The following PGAP1 variants were observed in gnomAD, a reference collection of about 807,000 sequenced individuals.
The protein encoded by PGAP1 is GPI inositol-deacylase.
A neutral mutation model predicts 127.0 loss-of-function variants in PGAP1; 76 were observed. The observed-to-expected ratio is 0.60, with a 90% CI of 0.50 to 0.72. The LOEUF (loss-of-function observed/expected upper bound fraction) is 0.72, where lower values mean the gene tolerates loss of function less well. Among genes scored for constraint, PGAP1 ranks in the 30% least tolerant of loss-of-function variants. PGAP1 has a pLI of 0.00. For missense variants in PGAP1, 982 were observed against 1,071.3 expected (o/e 0.92, Z 1.16); for synonymous variants, 362 against 366.5 (o/e 0.99, Z 0.14).
intron 4 of PGAP1, 132 bp downstream of exon 4, chr2:196,912,750 T>A (rs79166618): frequency 1.5e-6 from 1 of 662,872 alleles, no homozygotes; most frequent in African/African-American, 1.9e-5. Flanking sequence ...GAATTGGAGG[T>A]GCTGATTTGC....
intron 20 of PGAP1, among the ~76,000 whole-genome samples, chr2:196,852,443 A>C (rs1405406768): frequency 2.0e-5 from 3 of 152,060 alleles, no homozygotes; most frequent in Admixed American, 2.0e-4. Context: ...ATTACTTGTT[A>C]AATTTAAGGT....
chr2:196,914,358 C>A (rs527568218), intron 3 of PGAP1, among the ~76,000 whole-genome samples: 8 of 152,158 alleles, frequency 5.3e-5, no homozygotes, highest in Non-Finnish European at 1.0e-4. Flanking sequence ...CGGTGGCTCA[C>A]ACCTGTAATC....
intron 20 of PGAP1, among the ~76,000 whole-genome samples, chr2:196,852,711 G>T (rs1454940811): frequency 1.3e-5 from 2 of 152,072 alleles, no homozygotes; most frequent in African/African-American, 4.8e-5. Flanking sequence ...TGTGAATAAA[G>T]TTATGGGTTG....
chr2:196,925,592 C>T (rs1243147864), intron 1 of PGAP1, among the ~76,000 whole-genome samples: 1 of 152,030 alleles, frequency 6.6e-6, no homozygotes, highest in East Asian at 1.9e-4. Flanking sequence ...CCTACTATGC[C>T]GAACTAACGA....
intron 20 of PGAP1, among the ~76,000 whole-genome samples, chr2:196,849,510 G>A (rs1395385143): frequency 2.0e-5 from 3 of 151,102 alleles, no homozygotes; most frequent in East Asian, 1.9e-4. Context: ...TCCCGACCTC[G>A]TGATCCACCC....
rs1703364100 is a variant in PGAP1, at chr2:196,926,467, T to A, written c.147+3A>T. ...CCCGGCTGAGGAGAGGGCAGAACCT[T>A]ACCTGATACTCCGGGTACTCAAACA... On this transcript the variant is annotated splice_donor_region_variant and intron_variant, in intron 1 of 26. Transcript: ENST00000354764. 6.2e-7 allele frequency: 1 copy of A among 1,613,840 alleles called. No individual in the cohort carries two copies. Among genetic ancestry groups the A allele is most frequent in the Admixed American group, 1.7e-5 (1 of 59,976 alleles).
At chr2:196,921,248 C>T (rs1490042963) in intron 1 of PGAP1, among the ~76,000 whole-genome samples, 10 of 151,052 alleles carry the variant, frequency 6.6e-5, no homozygotes, top group Non-Finnish European at 2.9e-5. Flanking sequence ...GTGCACCTTC[C>T]TAAATATCCC....
chr2:196,880,030 AT>A, intron 13 of PGAP1, 45 bp downstream of exon 13: 1 of 1,348,044 alleles, frequency 7.4e-7, no homozygotes, highest in Non-Finnish European at 1.1e-6. Context: ...AAAATTTAGC[AT>A]GTGTCTCCAA....
chr2:196,892,434 GT>G (rs745975321), intron 8 of PGAP1, 33 bp from the exon 9 acceptor site: 2 of 1,031,124 alleles, frequency 1.9e-6, no homozygotes, highest in African/African-American at 3.3e-5. Context: ...TATTTGCCTT[GT>G]TTTGTTTTTA....
intron 14 of PGAP1, 29 bp from the exon 15 acceptor site, chr2:196,873,787 A>T: frequency 4.9e-6 from 7 of 1,437,884 alleles, no homozygotes; most frequent in Non-Finnish European, 5.9e-6. Context: ...TGTATTACTT[A>T]GAATATCAAG....
At chr2:196,867,197 G>A (rs576859351) in intron 19 of PGAP1, among the ~76,000 whole-genome samples, 33 of 152,118 alleles carry the variant, frequency 2.2e-4, no homozygotes, top group East Asian at 1.4e-3. Flanking sequence ...TGTTTACTGC[G>A]GCACTGTTCA....
intron 13 of PGAP1, among the ~76,000 whole-genome samples, chr2:196,876,545 G>T (rs2125803507): frequency 6.6e-6 from 1 of 152,174 alleles, no homozygotes; most frequent in South Asian, 2.1e-4. Context: ...TTATCTGCAA[G>T]AACTGTTTCT....
intron 2 of PGAP1, among the ~76,000 whole-genome samples, chr2:196,919,327 C>T (rs1322219025): frequency 1.3e-5 from 2 of 152,196 alleles, no homozygotes; most frequent in African/African-American, 4.8e-5. Flanking sequence ...CCTGTAGACA[C>T]GTGCTAGATG....
intron 1 of PGAP1, among the ~76,000 whole-genome samples, chr2:196,923,642 G>A (rs1703279234): frequency 6.6e-6 from 1 of 151,512 alleles, no homozygotes; most frequent in Admixed American, 6.6e-5. Flanking sequence ...CAAAATATAT[G>A]ACTCATATTT....
At chr2:196,926,292 G>A (rs1703358031) in intron 1 of PGAP1, among the ~76,000 whole-genome samples, 178 bp downstream of exon 1, 1 of 151,860 alleles carries the variant, frequency 6.6e-6, no homozygotes, top group East Asian at 1.9e-4. Flanking sequence ...ACACAAAGGG[G>A]AGGTGAGGGG....
intron 26 of PGAP1, 29 bp downstream of exon 26, chr2:196,842,692 T>C (rs758534868): frequency 2.5e-6 from 3 of 1,201,018 alleles, no homozygotes; most frequent in Non-Finnish European, 3.5e-6. Flanking sequence ...AGAACAGATA[T>C]AAGAAAAAGA....
At chr2:196,890,522 C>T (rs1158546961) in intron 10 of PGAP1, among the ~76,000 whole-genome samples, 1 of 152,026 alleles carries the variant, frequency 6.6e-6, no homozygotes, top group Non-Finnish European at 1.5e-5. Flanking sequence ...CTTTAAAGTA[C>T]TAATAGAAAC....
At chr2:196,866,854 C>A (rs1006896029) in intron 19 of PGAP1, among the ~76,000 whole-genome samples, 1 of 151,864 alleles carries the variant, frequency 6.6e-6, no homozygotes, top group Non-Finnish European at 1.5e-5. Flanking sequence ...ATGTGGCCAA[C>A]AAACATATGA....
At chr2:196,860,492 C>G (rs1701029189) in intron 20 of PGAP1, among the ~76,000 whole-genome samples, 1 of 152,088 alleles carries the variant, frequency 6.6e-6, no homozygotes, top group African/African-American at 2.4e-5. Context: ...CGAGATCATG[C>G]CATTGCACTC....
Sources: gnomAD v4.1 joint callset for allele counts (sites outside exome capture counted in the v4.1 genomes callset) on GRCh38, gnomAD v4.1.1 for gene constraint, MANE v1.5 for transcripts, NCBI Gene and HGNC (gene_info 2026-07-23, HGNC 2026-07-21) for gene names.